GALK2: variants seen among roughly 807,000 people sequenced by gnomAD.
GALK2 encodes galactokinase 2.
A neutral mutation model predicts 52.4 loss-of-function variants in GALK2; 36 were observed. The ratio of observed to expected loss-of-function variants is 0.69; its 90% CI spans 0.53 to 0.91. The LOEUF is 0.91. Ranked by LOEUF, GALK2 falls within the 40% of genes least tolerant of loss-of-function variation. The pLI, the probability that GALK2 is intolerant of heterozygous loss-of-function variation, is 0.00. For missense variants in GALK2, 579 were observed against 559.1 expected (o/e 1.04, Z -0.36); for synonymous variants, 176 against 199.1 (o/e 0.88, Z 0.98).
At chr15:49,227,154 T>C (rs886813478) in intron 3 of GALK2, among the ~76,000 whole-genome samples, 4 of 152,240 alleles carry the variant, frequency 2.6e-5, no homozygotes, top group Admixed American at 6.5e-5. Context: ...TGGTCAGTAG[T>C]GCAGTCTAAA....
At chr15:49,205,108 TTTGGGTTGGTTCCGCGA>T (rs2088160479) in intron 2 of GALK2, among the ~76,000 whole-genome samples, 1 of 152,200 alleles carries the variant, frequency 6.6e-6, no homozygotes, top group African/African-American at 2.4e-5. Context: ...TTGATGGGCA[TTTGGGTTGGTTCCGCGA>T]TTGGGTTGGT....
intron 3 of GALK2, among the ~76,000 whole-genome samples, chr15:49,350,388 T>TA (rs1431981126): frequency 1.1e-4 from 17 of 152,232 alleles, no homozygotes; most frequent in African/African-American, 3.9e-4. Flanking sequence ...TGCACATACT[T>TA]ATATTTCTTT....
intron 3 of GALK2, among the ~76,000 whole-genome samples, chr15:49,363,378 T>G (rs1390217407): frequency 6.6e-6 from 1 of 152,186 alleles, no homozygotes; most frequent in Non-Finnish European, 1.5e-5. Context: ...TTATTCTTTT[T>G]GTGGCTATTG....
chr15:49,278,370 T>C (rs2032194633), intron 5 of GALK2, among the ~76,000 whole-genome samples: 2 of 152,234 alleles, frequency 1.3e-5, no homozygotes, highest in Admixed American at 1.3e-4. Flanking sequence ...ATCCAGATTC[T>C]TTAAATTCTC....
At chr15:49,208,945 A>G (rs113140401) in intron 2 of GALK2, among the ~76,000 whole-genome samples, 9,178 of 152,148 alleles carry the variant, frequency 0.06, 552 homozygotes, top group African/African-American at 0.15. Flanking sequence ...TTGCTTTGAA[A>G]TTTGTTTTGT....
intron 3 of GALK2, among the ~76,000 whole-genome samples, chr15:49,229,860 C>T (rs1018764221): frequency 8.6e-5 from 13 of 152,018 alleles, no homozygotes; most frequent in African/African-American, 2.4e-4. Context: ...AGCGTTTCCT[C>T]GGGGCACTTG....
chr15:49,347,911 C>T (rs1049612537), intron 3 of GALK2, among the ~76,000 whole-genome samples: 2 of 147,966 alleles, frequency 1.4e-5, no homozygotes, highest in Non-Finnish European at 1.5e-5. Flanking sequence ...CCCAGCTACT[C>T]GGGAGGCTGA....
chr15:49,184,146 T>G (rs1182102061), intron 1 of GALK2, among the ~76,000 whole-genome samples: 4 of 152,156 alleles, frequency 2.6e-5, no homozygotes, highest in Admixed American at 2.6e-4. Flanking sequence ...ATTTGGATGC[T>G]CCAGTATAAG....
intron 8 of GALK2, chr15:49,318,968 TGAGAC>T: frequency 4.5e-6 from 2 of 449,192 alleles, no homozygotes; most frequent in Non-Finnish European, 4.4e-6. Flanking sequence ...TTTTTTTTTT[TGAGAC>T]GGAGTCGTGC....
At chr15:49,297,688 C>T (rs911413978) in intron 8 of GALK2, among the ~76,000 whole-genome samples, 2 of 152,130 alleles carry the variant, frequency 1.3e-5, no homozygotes, top group African/African-American at 2.4e-5. Context: ...AATAGGGAGT[C>T]ATTTCTCCAT....
chr15:49,236,062 T>C, intron 4 of GALK2, 121 bp downstream of exon 4: 2 of 678,360 alleles, frequency 2.9e-6, no homozygotes, highest in Non-Finnish European at 2.5e-6. Context: ...TTCTGTTCTA[T>C]TTTGCTAGTT....
chr15:49,266,326 A>G (rs2092358231), intron 5 of GALK2, among the ~76,000 whole-genome samples: 1 of 152,148 alleles, frequency 6.6e-6, no homozygotes, highest in Admixed American at 6.5e-5. Flanking sequence ...GTGGAGAAAC[A>G]GATTTCATCT....
chr15:49,195,057 C>T, intron 1 of GALK2: 1 of 450,902 alleles, frequency 2.2e-6, no homozygotes, highest in East Asian at 7.3e-5. Context: ...GATATCTTTT[C>T]ATTTCTTATT....
intron 2 of GALK2, among the ~76,000 whole-genome samples, chr15:49,210,957 T>TCACA (rs764698505): frequency 0.029 from 3,322 of 112,686 alleles, 72 homozygotes; most frequent in Admixed American, 0.04. Context: ...ATGTTGGCTG[T>TCACA]CACACACACA....
At chr15:49,234,663 A>G (rs974114743) in intron 3 of GALK2, among the ~76,000 whole-genome samples, 1 of 152,126 alleles carries the variant, frequency 6.6e-6, no homozygotes, top group Non-Finnish European at 1.5e-5. Flanking sequence ...TCCACCCCCC[A>G]TGATTCAGTT....
intron 8 of GALK2, among the ~76,000 whole-genome samples, chr15:49,302,663 T>C (rs985030857): frequency 6.6e-6 from 1 of 152,232 alleles, no homozygotes; most frequent in African/African-American, 2.4e-5. Flanking sequence ...TTATAAGATA[T>C]CAAGCACTAA....
At chr15:49,189,332 G>C (rs1372399311) in intron 1 of GALK2, among the ~76,000 whole-genome samples, 1 of 152,118 alleles carries the variant, frequency 6.6e-6, no homozygotes, top group Non-Finnish European at 1.5e-5. Context: ...TGATAGAACA[G>C]TATTCTCTAA....
chr15:49,260,060 T>C (rs1463610638), intron 5 of GALK2, among the ~76,000 whole-genome samples: 4 of 151,858 alleles, frequency 2.6e-5, no homozygotes, highest in Non-Finnish European at 4.4e-5. Context: ...TGTGTCTTTA[T>C]AGCAGCATGA....
intron 8 of GALK2, among the ~76,000 whole-genome samples, chr15:49,318,577 CCT>C (rs1353648457): frequency 3.9e-5 from 6 of 151,972 alleles, no homozygotes; most frequent in Admixed American, 2.0e-4. Context: ...TTTTAAAAGT[CCT>C]CTGTTATTAG....
Sources: gnomAD v4.1 joint callset for allele counts (sites outside exome capture counted in the v4.1 genomes callset) on GRCh38, gnomAD v4.1.1 for gene constraint, MANE v1.5 for transcripts, NCBI Gene and HGNC (gene_info 2026-07-23, HGNC 2026-07-21) for gene names.